The following LNPEP variants were observed in gnomAD, a reference collection of about 807,000 sequenced individuals.
LNPEP encodes leucyl-cystinyl aminopeptidase.
Under a neutral mutation model 120.6 loss-of-function variants are expected in LNPEP, and 64 were observed. The observed-to-expected ratio is 0.53, with a 90% CI of 0.43 to 0.65. LNPEP has a LOEUF of 0.65. Ranked by LOEUF, LNPEP falls within the 30% of genes least tolerant of loss-of-function variation. The pLI is 0.00. For synonymous variants in LNPEP, 435 were observed against 425.4 expected (o/e 1.02, Z -0.28); for missense variants, 1,057 against 1,200.0 (o/e 0.88, Z 1.76).
intron 14 of LNPEP, among the ~76,000 whole-genome samples, chr5:97,023,295 C>T (rs1393706940): frequency 6.6e-6 from 1 of 151,860 alleles, no homozygotes; most frequent in Admixed American, 6.6e-5. Context: ...GCTCTGTCAC[C>T]CAGGCTGGAG....
At chr5:97,002,071 G>A (rs905812320) in intron 8 of LNPEP, among the ~76,000 whole-genome samples, 1 of 152,066 alleles carries the variant, frequency 6.6e-6, no homozygotes, top group South Asian at 2.1e-4. Flanking sequence ...CCCAGGAGGC[G>A]GAGGTTGTAG....
chr5:97,006,759 G>A (rs561707396), intron 11 of LNPEP, among the ~76,000 whole-genome samples: 3 of 152,228 alleles, frequency 2.0e-5, no homozygotes, highest in Admixed American at 6.5e-5. Context: ...AGAAAATAGC[G>A]AATGCCATGT....
intron 1 of LNPEP, among the ~76,000 whole-genome samples, chr5:96,978,076 T>A (rs918923013): frequency 6.6e-6 from 1 of 152,132 alleles, no homozygotes; most frequent in Admixed American, 6.5e-5. Context: ...AAATGATAGG[T>A]ATAAAGTATC....
chr5:97,000,613 G>A (rs1790627165), intron 8 of LNPEP, among the ~76,000 whole-genome samples: 1 of 152,206 alleles, frequency 6.6e-6, no homozygotes, highest in Non-Finnish European at 1.5e-5. Context: ...ATCCGTGGTA[G>A]ATGGCATTTC....
intron 12 of LNPEP, 134 bp downstream of exon 12, chr5:97,013,965 TATG>T: frequency 1.8e-6 from 1 of 565,944 alleles, no homozygotes; most frequent in Admixed American, 3.4e-5. Flanking sequence ...ATTGGGAAAA[TATG>T]TGTTCTTTGC....
intron 1 of LNPEP, among the ~76,000 whole-genome samples, chr5:96,972,703 T>C (rs1237564983): frequency 1.3e-5 from 2 of 152,082 alleles, no homozygotes; most frequent in East Asian, 1.9e-4. Context: ...CAAACAGGTG[T>C]ATTGTTTTGT....
intron 1 of LNPEP, among the ~76,000 whole-genome samples, chr5:96,944,267 C>G (rs1156762419): frequency 6.6e-6 from 1 of 152,066 alleles, no homozygotes; most frequent in African/African-American, 2.4e-5. Flanking sequence ...ATTTCATTGT[C>G]AATGAAAAGA....
chr5:96,973,947 A>G (rs768191301), intron 1 of LNPEP, among the ~76,000 whole-genome samples: 20 of 151,932 alleles, frequency 1.3e-4, no homozygotes, highest in Non-Finnish European at 2.5e-4. Context: ...TGCACTGTAA[A>G]TTTGCCTTCT....
intron 1 of LNPEP, among the ~76,000 whole-genome samples, chr5:96,973,055 T>C (rs1337420728): frequency 6.6e-6 from 1 of 152,186 alleles, no homozygotes; most frequent in Admixed American, 6.6e-5. Flanking sequence ...CCACTGCTTA[T>C]ACATTGAGGT....
At chr5:96,998,176 T>G (rs1461651400) in intron 8 of LNPEP, 31 bp downstream of exon 8, 3 of 1,547,232 alleles carry the variant, frequency 1.9e-6, no homozygotes, top group Non-Finnish European at 2.6e-6. Flanking sequence ...GTAGCTGGAG[T>G]GGGTTTAAAA....
chr5:97,006,609 C>T (rs1011847127), intron 11 of LNPEP, 94 bp downstream of exon 11: 4 of 711,000 alleles, frequency 5.6e-6, no homozygotes, highest in African/African-American at 5.5e-5. Flanking sequence ...AGTGTGCACA[C>T]TCTCTGAACT....
chr5:96,979,515 A>G lies in LNPEP; in HGVS notation c.397A>G (p.Arg133Gly). 1.9e-6 allele frequency: 3 copies of G among 1,614,098 alleles called. No homozygotes were observed. Among genetic ancestry groups the G allele is most frequent in the Non-Finnish European group, 2.5e-6 (3 of 1,179,980 alleles). ...SVIMVIYLLP[R>G]CTFTKEGCHK... ...AATCATGGTGATTTACTTACTGCCCAGATGTACCTTTACCAAAGAAGGCTG... is the reference window on the plus strand; with the variant it reads ...AATCATGGTGATTTACTTACTGCCCGGATGTACCTTTACCAAAGAAGGCTG... Residue 133 changes from arginine (R) to glycine (G), a missense_variant, in exon 2 of 18, where the codon AGA becomes GGA. By Grantham distance (125) the Arg-to-Gly change is moderately radical. Transcript: ENST00000231368.
intron 4 of LNPEP, among the ~76,000 whole-genome samples, chr5:96,988,227 A>G (rs1469062145): frequency 6.6e-6 from 1 of 151,542 alleles, no homozygotes; most frequent in Admixed American, 6.6e-5. Flanking sequence ...ATTCAGATTC[A>G]TCATTTGATA....
At chr5:97,010,878 C>A (rs1055196960) in intron 11 of LNPEP, 5 of 985,156 alleles carry the variant, frequency 5.1e-6, no homozygotes, top group Admixed American at 6.2e-5. Context: ...TAAGGTCCAC[C>A]ATTCTGGATC....
At chr5:97,022,912 G>A (rs1791246522) in intron 14 of LNPEP, among the ~76,000 whole-genome samples, 1 of 150,754 alleles carries the variant, frequency 6.6e-6, no homozygotes, top group Admixed American at 6.6e-5. Flanking sequence ...TTAAAAAATT[G>A]TGGTAAAATA....
chr5:96,937,516 T>C (rs926097677), intron 1 of LNPEP: 1 of 152,242 alleles, frequency 6.6e-6, no homozygotes, highest in African/African-American at 2.4e-5. Context: ...TAAAATGAAC[T>C]AGAGACCATC....
intron 1 of LNPEP, among the ~76,000 whole-genome samples, chr5:96,966,698 T>G (rs1789735366): frequency 6.6e-6 from 1 of 152,060 alleles, no homozygotes; most frequent in African/African-American, 2.4e-5. Context: ...ATAAGATAAG[T>G]GGGTCACAAC....
chr5:96,961,861 A>G (rs1280346207), intron 1 of LNPEP, among the ~76,000 whole-genome samples: 1 of 152,122 alleles, frequency 6.6e-6, no homozygotes, highest in African/African-American at 2.4e-5. Context: ...GAACCTGTAG[A>G]TACAGACTAA....
intron 14 of LNPEP, 32 bp downstream of exon 14, chr5:97,022,516 T>C (rs1230052485): frequency 6.5e-7 from 1 of 1,528,214 alleles, no homozygotes; most frequent in South Asian, 1.1e-5. Flanking sequence ...ATGAATTATC[T>C]TCTTTTTCTT....
Sources: gnomAD v4.1 joint callset for allele counts (sites outside exome capture counted in the v4.1 genomes callset) on GRCh38, gnomAD v4.1.1 for gene constraint, MANE v1.5 for transcripts, NCBI Gene and HGNC (gene_info 2026-07-23, HGNC 2026-07-21) for gene names.